LRP1B: variants seen among roughly 807,000 people sequenced by gnomAD.
LRP1B encodes the protein low-density lipoprotein receptor-related protein 1B.
In LRP1B, 217 loss-of-function variants were observed where a neutral mutation model predicts 556.6. That is an observed-to-expected ratio of 0.39 (90% confidence interval 0.35 to 0.44). LRP1B has a LOEUF of 0.44. LRP1B is among the 20% of genes least tolerant of loss of function. LRP1B has a pLI of 1.00. For missense variants in LRP1B, 5,053 were observed against 5,620.8 expected (o/e 0.90, Z 3.23); for synonymous variants, 2,047 against 1,865.8 (o/e 1.10, Z -2.50).
In LRP1B at chr2:140,613,291, T is replaced by A. The variant is rs1031570340; in HGVS notation, c.6800-11652A>T. Among the ~76,000 whole-genome samples the A allele has an allele frequency of 2.1e-5, 3 of 143,180 alleles. No individual in the cohort carries two copies. In the Admixed American group the frequency reaches 2.2e-4, roughly 10 times the overall value. 93.9% of individuals were successfully genotyped at this position (143,180 alleles called of 152,430 possible). A position where few individuals can be genotyped will look rare whatever the true frequency, so the allele number is the denominator to read the frequency against. ...ATATAATTATATACAAGGTGATATT[T>A]TATATATATAAAATTATATATAATT... On this transcript the variant is annotated intron_variant, in intron 41 of 90. Transcript: ENST00000389484.
chr2:141,534,376 T>C (rs183324039), intron 2 of LRP1B, among the ~76,000 whole-genome samples: 1 of 152,298 alleles, frequency 6.6e-6, no homozygotes, highest in Non-Finnish European at 1.5e-5. Context: ...TTCCCTTGCG[T>C]ATCCAAATAT....
Position 140,551,358 on chromosome 2 carries a change from A to G in LRP1B, c.7195-9387T>C, listed in dbSNP as rs543201667. ...TAAGCAAAGAGGAGGGGGACTGGGA[A>G]GAAAGGACTTTGACAGAGGGAATAT... On this transcript the variant is annotated intron_variant, in intron 43 of 90. Coordinates refer to ENST00000389484, the MANE Select transcript of LRP1B (RefSeq NM_018557.3). Among the ~76,000 whole-genome samples, 17 of 152,268 alleles carry G rather than the reference A, an allele frequency of 1.1e-4. No homozygotes were observed. In the East Asian group the frequency reaches 1.2e-3, roughly 10 times the overall value.
chr2:142,123,988 C>G (rs1260642667), intron 1 of LRP1B, among the ~76,000 whole-genome samples: 1 of 151,808 alleles, frequency 6.6e-6, no homozygotes, highest in East Asian at 1.9e-4. Flanking sequence ...GACAATACAT[C>G]ATTATTAAAC....
chr2:141,155,926 T>C (rs1339515464), intron 7 of LRP1B, among the ~76,000 whole-genome samples: 1 of 152,150 alleles, frequency 6.6e-6, no homozygotes, highest in East Asian at 1.9e-4. Flanking sequence ...ATGTCAAACC[T>C]TAAGATGATG....
intron 43 of LRP1B, among the ~76,000 whole-genome samples, chr2:140,555,218 G>A (rs1265586711): frequency 1.7e-4 from 19 of 113,202 alleles, no homozygotes; most frequent in Middle Eastern, 4.1e-3. Flanking sequence ...ATTCACAGAC[G>A]CTCAGGAAAA....
chr2:140,361,914 G>A (rs1573846097), intron 72 of LRP1B, among the ~76,000 whole-genome samples: 1 of 151,626 alleles, frequency 6.6e-6, no homozygotes, highest in East Asian at 2.0e-4. Context: ...TCACAGTCCA[G>A]TCTTCTAATC....
At chr2:140,894,270 G>GT (rs559652409) in intron 23 of LRP1B, among the ~76,000 whole-genome samples, 30 of 152,082 alleles carry the variant, frequency 2.0e-4, no homozygotes, top group African/African-American at 6.5e-4. Flanking sequence ...AAAATACTAT[G>GT]TTTTTTTCCA....
intron 2 of LRP1B, among the ~76,000 whole-genome samples, chr2:141,544,349 C>CTTCTTCTTCTT (rs1685444334): frequency 1.5e-4 from 13 of 85,938 alleles, no homozygotes; most frequent in Admixed American, 7.0e-4. Context: ...TCTTCTTCTT[C>CTTCTTCTTCTT]TTCTTCTTCT....
chr2:141,925,972 G>A (rs1700325760), intron 1 of LRP1B, among the ~76,000 whole-genome samples: 1 of 151,968 alleles, frequency 6.6e-6, no homozygotes, highest in Non-Finnish European at 1.5e-5. Context: ...AAAAACACAG[G>A]GAAACAAGCT....
rs72983172 is a variant in LRP1B, at chr2:141,075,392, C to T, written c.1014-13119G>A. ...ACTTAGTGTTCTTTCATATTTTTCC[C>T]AATAAGTCTACCTGTTTTATAAGAT... is the stretch of plus-strand genomic sequence containing the variant. On this transcript the variant is annotated intron_variant, in intron 7 of 90. Transcript: ENST00000389484. Among the ~76,000 whole-genome samples the T allele has an allele frequency of 4.5e-3, 691 of 152,060 alleles. 3 individuals are homozygous for T. Among genetic ancestry groups the T allele is most frequent in the African/African-American group, 0.016 (656 of 41,510 alleles).
chr2:140,936,102 G>A (rs1573898236), intron 20 of LRP1B, among the ~76,000 whole-genome samples: 1 of 151,576 alleles, frequency 6.6e-6, no homozygotes, highest in East Asian at 2.0e-4. Flanking sequence ...CACTTTGAGA[G>A]GCAGTGATGG....
chr2:141,672,014 G>A (rs1340700231), intron 2 of LRP1B, among the ~76,000 whole-genome samples: 2 of 151,798 alleles, frequency 1.3e-5, no homozygotes, highest in African/African-American at 4.8e-5. Flanking sequence ...AAAATATGTT[G>A]ATATAAACAA....
intron 32 of LRP1B, among the ~76,000 whole-genome samples, chr2:140,795,732 T>C (rs1234207696): frequency 6.6e-6 from 1 of 151,998 alleles, no homozygotes; most frequent in African/African-American, 2.4e-5. Flanking sequence ...AATTGCTGAG[T>C]AAAAAGGGCT....
chr2:141,251,030 C>G (rs1172866781), intron 4 of LRP1B, among the ~76,000 whole-genome samples: 1 of 152,084 alleles, frequency 6.6e-6, no homozygotes, highest in Non-Finnish European at 1.5e-5. Flanking sequence ...TACAAATTGT[C>G]TTGTTTGCAT....
chr2:140,595,088 A>ATATATCTATCTATC (rs1491197082), intron 43 of LRP1B, among the ~76,000 whole-genome samples: 1 of 2,120 alleles, frequency 4.7e-4, no homozygotes, highest in African/African-American at 1.4e-3. Context: ...TATAAATTGA[A>ATATATCTATCTATC]TATATATATA....
At chr2:141,477,953 C>A in intron 3 of LRP1B, among the ~76,000 whole-genome samples, 1 of 54,092 alleles carries the variant, frequency 1.8e-5, no homozygotes. Flanking sequence ...CAAACTAAAC[C>A]TCCTACTGGC....
intron 43 of LRP1B, among the ~76,000 whole-genome samples, chr2:140,591,665 G>A (rs1024865645): frequency 2.6e-5 from 4 of 152,250 alleles, no homozygotes; most frequent in Admixed American, 1.3e-4. Context: ...TGCAATACAC[G>A]GAGCAGTTCT....
At chr2:140,233,358 T>C in intron 90 of LRP1B, 32 bp from the exon 91 acceptor site, 1 of 1,501,718 alleles carries the variant, frequency 6.7e-7, no homozygotes, top group Non-Finnish European at 9.0e-7. Flanking sequence ...TATAATTTTA[T>C]TACTGGTCTT....
intron 37 of LRP1B, among the ~76,000 whole-genome samples, chr2:140,712,063 G>T (rs183849881): frequency 6.6e-6 from 1 of 152,116 alleles, no homozygotes; most frequent in Admixed American, 6.6e-5. Flanking sequence ...GCTCTCAAAT[G>T]ACCTTTGTCC....
Sources: gnomAD v4.1 joint callset for allele counts (sites outside exome capture counted in the v4.1 genomes callset) on GRCh38, gnomAD v4.1.1 for gene constraint, MANE v1.5 for transcripts, NCBI Gene and HGNC (gene_info 2026-07-23, HGNC 2026-07-21) for gene names.